Variants in GTPBP4 observed in about 807,000 individuals in gnomAD.
GTPBP4 encodes the protein GTP-binding protein 4.
GTPBP4 carries 15 observed loss-of-function variants against 81.7 expected under a neutral mutation model. The observed-to-expected ratio is 0.18, with a 90% CI of 0.12 to 0.28. The LOEUF (loss-of-function observed/expected upper bound fraction) is 0.28. Ranked by LOEUF, GTPBP4 falls within the 10% of genes least tolerant of loss-of-function variation. GTPBP4 has a pLI of 1.00. For synonymous variants in GTPBP4, 272 were observed against 274.6 expected (o/e 0.99, Z 0.09); for missense variants, 847 against 793.8 (o/e 1.07, Z -0.81).
At position 1,010,461 on chromosome 10, in the gene GTPBP4, A is replaced by G. The variant is rs748069913; in HGVS notation, c.1285A>G (p.Ile429Val). ...GAATTTGTCTGAAAAACATGATAAG[A>G]TACCAGAAATCTGGGAAGGCCATAA... ...LMNLSEKHDK[I>V]PEIWEGHNIA... The change falls in exon 13 of 17, where the codon ATA becomes GTA. Residue 429 changes from isoleucine to valine, a missense_variant. Ile to Val is a conservative substitution (Grantham distance 29). Coordinates refer to ENST00000360803, the MANE Select transcript of GTPBP4 (RefSeq NM_012341.3). The G allele has an allele frequency of 2.5e-6, 4 of 1,583,312 alleles. No homozygotes were observed. Among genetic ancestry groups the G allele is most frequent in the South Asian group, 1.1e-5 (1 of 90,418 alleles).
At chr10:989,114 CTTTTTTTTT>C (rs869154759) in intron 1 of GTPBP4, among the ~76,000 whole-genome samples, 1 of 102,100 alleles carries the variant, frequency 9.8e-6, no homozygotes, top group Non-Finnish European at 1.9e-5. Flanking sequence ...AGTATTAGGA[CTTTTTTTTT>C]TTTTTTTTTT....
At chr10:1,008,578 C>G (rs963421420) in intron 10 of GTPBP4, among the ~76,000 whole-genome samples, 1 of 152,162 alleles carries the variant, frequency 6.6e-6, no homozygotes, top group African/African-American at 2.4e-5. Flanking sequence ...CTTATATGCA[C>G]TTGAGTTTAT....
chr10:1,011,482 C>A (rs1464367896), intron 13 of GTPBP4, among the ~76,000 whole-genome samples: 1 of 150,532 alleles, frequency 6.6e-6, no homozygotes, highest in Non-Finnish European at 1.5e-5. Context: ...CAGCTGAGCT[C>A]TCTGGAACAT....
chr10:1,014,318 T>C lies in GTPBP4; in HGVS notation c.1608+6T>C. The C allele has an allele frequency of 6.3e-7, 1 of 1,599,458 alleles. No homozygotes were observed. On this transcript the variant is annotated splice_donor_region_variant and intron_variant, in intron 15 of 16. Coordinates refer to ENST00000360803, the MANE Select transcript of GTPBP4 (RefSeq NM_012341.3). ...ACATGGACGATAAAGACGATGTGAG[T>C]GTGGGGGCGGTTCATGTGTTTATGT...
At position 1,008,963 on chromosome 10, in the gene GTPBP4, G is replaced by A; in HGVS notation, c.1119G>A (p.Arg373=). ...AIPTRRDDKE[R]PPFIPEGVVA... is the part of the protein sequence containing the mutation. ...TTTATATGGGATCTTCTCAGGAGAG[G>A]CCCCCTTTCATCCCTGAAGGAGTGG... is the stretch of plus-strand genomic sequence containing the variant. The change falls in exon 11 of 17, where the codon AGG becomes AGA. Residue 373 remains arginine, a synonymous_variant. Coordinates refer to ENST00000360803, the MANE Select transcript of GTPBP4 (RefSeq NM_012341.3). 6.2e-7 allele frequency: 1 copy of A among 1,607,026 alleles called. No homozygotes were observed. The highest frequency in any genetic ancestry group is 1.1e-5 in the South Asian group (1 of 90,920).
At chr10:1,000,400 G>A (rs1406072772) in intron 6 of GTPBP4, among the ~76,000 whole-genome samples, 2 of 151,814 alleles carry the variant, frequency 1.3e-5, no homozygotes, top group African/African-American at 4.8e-5. Context: ...ACCACGCCCA[G>A]CTAATTTTTT....
chr10:999,413 G>A (rs1831585708), intron 6 of GTPBP4, among the ~76,000 whole-genome samples: 1 of 152,140 alleles, frequency 6.6e-6, no homozygotes, highest in South Asian at 2.1e-4. Flanking sequence ...GAGTCACACT[G>A]CACCTGGCAA....
Position 1,012,616 on chromosome 10 carries a change from A to G in GTPBP4, c.1496A>G (p.Lys499Arg), listed in dbSNP as rs776996047. ...AAGAAGTTGAAAATTCTGGAGTCCA[A>G]AGAAAAGAATACACAGGGACCCAGG... ...EKKKLKILESKEKNTQGPRMP... is the reference protein window; with the variant it reads ...EKKKLKILESREKNTQGPRMP... Residue 499 changes from lysine (K) to arginine (R), a missense_variant, in exon 14 of 17, where the codon AAA becomes AGA. By Grantham distance (26) the Lys-to-Arg change is conservative. Around this residue, in one of 3 missense-constraint regions of GTPBP4, gnomAD observed 600 missense variants for 557.1 expected, o/e 1.08. Coordinates refer to ENST00000360803, the MANE Select transcript of GTPBP4 (RefSeq NM_012341.3). 69 of 1,613,966 alleles carry G rather than the reference A, an allele frequency of 4.3e-5. 1 individual carries two copies. The South Asian group carries it at 7.5e-4, about 17-fold the overall frequency.
chr10:1,006,553 G>A (rs532096508), intron 9 of GTPBP4, among the ~76,000 whole-genome samples: 95 of 152,314 alleles, frequency 6.2e-4, no homozygotes, highest in Admixed American at 2.0e-3. Flanking sequence ...CAGGAGAATC[G>A]TTTGAACCTG....
In GTPBP4 at chr10:996,041, CTT is replaced by C. The variant is rs763041600; in HGVS notation, c.323+14_323+15del. On this transcript the variant is annotated intron_variant, in intron 3 of 16. Coordinates refer to ENST00000360803, the MANE Select transcript of GTPBP4 (RefSeq NM_012341.3). ...AAAAATTTAGTGGACAAGTAAGGTA[CTT>C]TTTTCTGTAGTGTCTTTTAAGTTAT... The C allele has an allele frequency of 5.0e-6, 8 of 1,594,146 alleles. No individual in the cohort carries two copies. The highest frequency in any genetic ancestry group is 6.0e-6 in the Non-Finnish European group (7 of 1,162,492).
At chr10:1,005,983 T>C (rs1831722117) in intron 9 of GTPBP4, 76 bp downstream of exon 9, 8 of 794,014 alleles carry the variant, frequency 1.0e-5, no homozygotes, top group African/African-American at 1.7e-5. Context: ...GGGGAGAAAA[T>C]AGTTTTCTTT....
chr10:1,005,174 C>G (rs1831704656), intron 8 of GTPBP4, among the ~76,000 whole-genome samples: 1 of 152,150 alleles, frequency 6.6e-6, no homozygotes, highest in Non-Finnish European at 1.5e-5. Flanking sequence ...AAGACGGAGT[C>G]TCGCTCTGTC....
intron 2 of GTPBP4, among the ~76,000 whole-genome samples, chr10:995,399 C>T (rs921684447): frequency 2.0e-5 from 3 of 151,982 alleles, no homozygotes; most frequent in African/African-American, 7.2e-5. Context: ...TTGGGAGGTC[C>T]TTGGTGAGCT....
intron 14 of GTPBP4, among the ~76,000 whole-genome samples, chr10:1,013,088 A>G (rs929662535): frequency 6.6e-6 from 1 of 151,792 alleles, no homozygotes; most frequent in Non-Finnish European, 1.5e-5. Flanking sequence ...GGTTCAAGCA[A>G]TTCTCCTGCC....
At chr10:1,009,439 A>G in intron 11 of GTPBP4, 90 bp from the exon 12 acceptor site, 1 of 880,972 alleles carries the variant, frequency 1.1e-6, no homozygotes, top group Admixed American at 1.7e-5. Context: ...AGAGGATTGG[A>G]GAAAAGATTG....
chr10:1,017,309 G>A lies in GTPBP4; in HGVS notation c.*82G>A. On this transcript the variant is annotated 3_prime_UTR_variant, in exon 17 of 17. Coordinates refer to ENST00000360803, the MANE Select transcript of GTPBP4 (RefSeq NM_012341.3). ...CACAGTATGGTTTCATGAAATTGGA[G>A]CTCTGTATAAACTGAAAAAGACAAA... 3 of 1,285,668 alleles carry A rather than the reference G, an allele frequency of 2.3e-6. No homozygotes were observed. The highest frequency in any genetic ancestry group is 2.3e-5 in the East Asian group (1 of 42,950). The allele number at this position is 1,285,668 out of a possible 1,614,324, so 79.6% of individuals were successfully genotyped here. A position where few individuals can be genotyped will look rare whatever the true frequency, so the allele number is the denominator to read the frequency against.
chr10:1,013,502 C>T (rs951225713), intron 14 of GTPBP4, among the ~76,000 whole-genome samples: 4 of 151,840 alleles, frequency 2.6e-5, no homozygotes, highest in East Asian at 2.0e-4. Flanking sequence ...CCCAGCTACT[C>T]GGGAGGCTGG....
At chr10:993,230 C>G (rs1041416546) in intron 2 of GTPBP4, among the ~76,000 whole-genome samples, 7 of 152,166 alleles carry the variant, frequency 4.6e-5, no homozygotes, top group African/African-American at 1.7e-4. Flanking sequence ...TTCTCTGCTG[C>G]ACATTGCAGT....
intron 10 of GTPBP4, chr10:1,007,797 G>T: frequency 2.2e-6 from 1 of 462,180 alleles, no homozygotes; most frequent in East Asian, 5.7e-5. Flanking sequence ...GGCACTGACT[G>T]TCAGTCTTGT....
Sources: gnomAD v4.1 joint callset for allele counts (sites outside exome capture counted in the v4.1 genomes callset) on GRCh38, gnomAD v4.1.1 for gene constraint, gnomAD v4.1.1 regional missense constraint, MANE v1.5 for transcripts, NCBI Gene and HGNC (gene_info 2026-07-23, HGNC 2026-07-21) for gene names.